The following ALK variants were observed in gnomAD, a reference collection of about 807,000 sequenced individuals.
ALK encodes the protein ALK receptor tyrosine kinase.
Under a neutral mutation model 163.1 loss-of-function variants are expected in ALK, and 74 were observed. That is an observed-to-expected ratio of 0.45 (90% CI 0.38 to 0.55). The LOEUF (loss-of-function observed/expected upper bound fraction) is 0.55. Ranked by LOEUF, ALK falls within the 20% of genes least tolerant of loss-of-function variation. The pLI, the probability that ALK is intolerant of heterozygous loss-of-function variation, is 0.00. For missense variants in ALK, 2,063 were observed against 2,105.3 expected, an observed-to-expected ratio of 0.98 and a Z score of 0.39; for synonymous variants, 960 against 843.2, an observed-to-expected ratio of 1.14 and a Z score of -2.40.
intron 8 of ALK, among the ~76,000 whole-genome samples, chr2:29,303,088 G>A (rs1224184960): frequency 6.6e-6 from 1 of 152,134 alleles, no homozygotes; most frequent in Non-Finnish European, 1.5e-5. Context: ...ACAGCCTACA[G>A]AATGGGAGAA....
At chr2:29,476,066 G>A (rs1488849023) in intron 4 of ALK, among the ~76,000 whole-genome samples, 1 of 152,210 alleles carries the variant, frequency 6.6e-6, no homozygotes, top group East Asian at 1.9e-4. Flanking sequence ...ATGGGCGGGA[G>A]TGGTCAGGAG....
Position 29,652,747 on chromosome 2 carries a change from G to A in ALK, c.952+42103C>T, listed in dbSNP as rs142592623. On this transcript the variant is annotated intron_variant, in intron 3 of 28. Transcript: ENST00000389048. ...GTTTCCATAAAAACTCCAAAGAACAGGGTTCAGAGAGCTTGTGGGTAGCTG... is the reference window on the plus strand; with the variant it reads ...GTTTCCATAAAAACTCCAAAGAACAAGGTTCAGAGAGCTTGTGGGTAGCTG... 9.7e-4 allele frequency among the ~76,000 whole-genome samples: 148 copies of A among 152,212 alleles called. 1 individual carries two copies. In the East Asian group the frequency reaches 0.025, roughly 26 times the overall value.
intron 1 of ALK, among the ~76,000 whole-genome samples, chr2:29,828,573 C>A (rs1170720160): frequency 6.6e-6 from 1 of 152,252 alleles, no homozygotes; most frequent in African/African-American, 2.4e-5. Context: ...TGCTCACCAT[C>A]ACTGGCCATC....
Position 29,694,939 on chromosome 2 carries a change from C to A in ALK, c.863G>T (p.Trp288Leu), listed in dbSNP as rs1678509815. 1 of 1,614,126 alleles carries A rather than the reference C, an allele frequency of 6.2e-7. No homozygotes were observed. Among genetic ancestry groups the A allele is most frequent in the Middle Eastern group, 1.7e-4 (1 of 6,056 alleles). Residue 288 changes from tryptophan to leucine, a missense_variant, in exon 3 of 29, where the codon TGG becomes TTG. This residue lies in a region of ALK where 987 missense variants were observed against 939.5 expected (regional missense o/e 1.05). Transcript: ENST00000389048. ...CTCGGAGGGGATGCGGCGCCAGGAC[C>A]AGCTCTGGTTCCTGAGGTCATGCAG... is the stretch of plus-strand genomic sequence containing the variant. The part of the protein sequence containing the change: ...PPLHDLRNQS[W>L]SWRRIPSEEA...
rs78005245 is a variant in ALK, at chr2:29,407,071, C to T, written c.1155-23212G>A. Among the ~76,000 whole-genome samples, 146 of 152,292 alleles carry T rather than the reference C, an allele frequency of 9.6e-4. 4 individuals carry two copies. The East Asian group carries it at 0.022, about 23-fold the overall frequency. On this transcript the variant is annotated intron_variant, in intron 4 of 28. Coordinates refer to ENST00000389048, the MANE Select transcript of ALK (RefSeq NM_004304.5). ...CATCTTATTTTGTGCATGAAGTCCG[C>T]GTGCTGCATCACTTGTGGTTCATCC...
chr2:29,277,393 G>A (rs901746640), intron 9 of ALK, among the ~76,000 whole-genome samples: 1 of 152,214 alleles, frequency 6.6e-6, no homozygotes, highest in African/African-American at 2.4e-5. Flanking sequence ...TTTCCATGGA[G>A]CAAAGCCTTG....
chr2:29,669,017 T>C (rs1285866462), intron 3 of ALK, among the ~76,000 whole-genome samples: 1 of 152,086 alleles, frequency 6.6e-6, no homozygotes, highest in Non-Finnish European at 1.5e-5. Flanking sequence ...ATGGGAATTA[T>C]GGGAGCTACA....
chr2:29,825,634 T>A lies in ALK; in HGVS notation c.667+94359A>T, dbSNP rs116064597. On this transcript the variant is annotated intron_variant, in intron 1 of 28. Transcript: ENST00000389048. ...TTAAGGATGATGACTTCTAAAGGAA[T>A]CCTAGAGAAAATCATTGAGTGATTT... Among the ~76,000 whole-genome samples the A allele has an allele frequency of 4.7e-3, 722 of 152,236 alleles. 11 individuals carry two copies. Among genetic ancestry groups the A allele is most frequent in the African/African-American group, 0.016 (683 of 41,522 alleles).
chr2:29,579,544 C>T (rs1433499879), intron 3 of ALK, among the ~76,000 whole-genome samples: 1 of 152,210 alleles, frequency 6.6e-6, no homozygotes, highest in Non-Finnish European at 1.5e-5. Flanking sequence ...CCCTGACAGC[C>T]TCCCAGATGT....
intron 4 of ALK, among the ~76,000 whole-genome samples, chr2:29,446,614 A>G (rs1670690681): frequency 6.6e-6 from 1 of 152,220 alleles, no homozygotes; most frequent in Non-Finnish European, 1.5e-5. Context: ...CACCACTGCC[A>G]AGATCTCCAA....
intron 1 of ALK, among the ~76,000 whole-genome samples, chr2:29,804,499 G>A (rs1179490271): frequency 6.6e-6 from 1 of 152,236 alleles, no homozygotes; most frequent in Non-Finnish European, 1.5e-5. Flanking sequence ...GGCAGGCCAG[G>A]AAGACTGTGT....
chr2:29,602,094 G>A (rs1204700386), intron 3 of ALK, among the ~76,000 whole-genome samples: 5 of 152,118 alleles, frequency 3.3e-5, no homozygotes, highest in East Asian at 3.9e-4. Flanking sequence ...CTGAGGCAAC[G>A]GAAAGCTGAG....
At chr2:29,297,326 G>T (rs1000116528) in intron 8 of ALK, among the ~76,000 whole-genome samples, 1 of 152,158 alleles carries the variant, frequency 6.6e-6, no homozygotes, top group Non-Finnish European at 1.5e-5. Flanking sequence ...TCAGGTTGAT[G>T]TTATCATCCT....
intron 3 of ALK, among the ~76,000 whole-genome samples, chr2:29,567,268 C>T (rs186589178): frequency 1.6e-4 from 24 of 152,290 alleles, no homozygotes; most frequent in Admixed American, 1.3e-3. Flanking sequence ...GATACTCCAT[C>T]CTTGTTGACA....
intron 1 of ALK, among the ~76,000 whole-genome samples, chr2:29,893,306 C>T (rs542000100): frequency 6.6e-6 from 1 of 152,308 alleles, no homozygotes; most frequent in South Asian, 2.1e-4. Context: ...AGCCCATCTG[C>T]TTCTGATGAG....
intron 11 of ALK, among the ~76,000 whole-genome samples, chr2:29,263,898 C>T (rs1032832681): frequency 6.6e-6 from 1 of 152,198 alleles, no homozygotes; most frequent in African/African-American, 2.4e-5. Context: ...TGGACTAATC[C>T]TTGGGCTCCC....
intron 1 of ALK, among the ~76,000 whole-genome samples, chr2:29,800,126 GTGGAGAGGAA>G (rs746252448): frequency 2.0e-5 from 3 of 152,232 alleles, no homozygotes; most frequent in Admixed American, 1.3e-4. Flanking sequence ...AAAGTGAGGG[GTGGAGAGGAA>G]TGTGAAAGCC....
intron 3 of ALK, among the ~76,000 whole-genome samples, chr2:29,685,250 C>A (rs918825678): frequency 2.6e-5 from 4 of 152,064 alleles, no homozygotes; most frequent in Non-Finnish European, 4.4e-5. Context: ...TCATAGAAAC[C>A]GAGCCCTTGG....
At chr2:29,606,148 T>C (rs1334228590) in intron 3 of ALK, among the ~76,000 whole-genome samples, 5 of 152,178 alleles carry the variant, frequency 3.3e-5, no homozygotes, top group African/African-American at 4.8e-5. Context: ...TCACAAAAGC[T>C]TTCAACAGGG....
Sources: allele counts gnomAD v4.1 joint callset (sites outside exome capture counted in the v4.1 genomes callset), GRCh38; gene constraint gnomAD v4.1.1; regional missense constraint gnomAD v4.1.1; transcripts MANE v1.5; gene names NCBI Gene and HGNC (gene_info 2026-07-23, HGNC 2026-07-21).